The following CNTNAP2 variants were observed in gnomAD, a reference collection of about 807,000 sequenced individuals.
CNTNAP2 encodes the protein contactin-associated protein-like 2.
Under a neutral mutation model 155.2 loss-of-function variants are expected in CNTNAP2, and 98 were observed. That is an observed-to-expected ratio of 0.63 (90% CI 0.54 to 0.75). The LOEUF is 0.75. Among genes scored for constraint, CNTNAP2 ranks in the 30% least tolerant of loss-of-function variants. The pLI, the probability that CNTNAP2 is intolerant of heterozygous loss-of-function variation, is 0.00. For synonymous variants in CNTNAP2, 651 were observed against 631.2 expected, an observed-to-expected ratio of 1.03 and a Z score of -0.47; for missense variants, 1,727 against 1,688.1, an observed-to-expected ratio of 1.02 and a Z score of -0.40.
intron 13 of CNTNAP2, among the ~76,000 whole-genome samples, chr7:147,755,997 AT>A (rs1179244837): frequency 1.3e-5 from 2 of 152,098 alleles, no homozygotes; most frequent in African/African-American, 4.8e-5. Flanking sequence ...CACAGTATTT[AT>A]TTTTCTTTTT....
chr7:147,759,450 C>T (rs1467926930), intron 13 of CNTNAP2, among the ~76,000 whole-genome samples: 1 of 152,200 alleles, frequency 6.6e-6, no homozygotes, highest in Non-Finnish European at 1.5e-5. Context: ...ATTGCATTGA[C>T]TTTCTACCAA....
intron 11 of CNTNAP2, among the ~76,000 whole-genome samples, chr7:147,517,513 T>C (rs551341257): frequency 9.8e-4 from 149 of 152,326 alleles, no homozygotes; most frequent in Non-Finnish European, 1.9e-3. Flanking sequence ...ATCCATTCAC[T>C]GATTTCAGAA....
chr7:147,018,085 A>G (rs1485021667), intron 3 of CNTNAP2, among the ~76,000 whole-genome samples: 2 of 152,100 alleles, frequency 1.3e-5, no homozygotes, highest in Non-Finnish European at 2.9e-5. Context: ...CTAGAAAATC[A>G]GTGTTTTGTA....
intron 10 of CNTNAP2, among the ~76,000 whole-genome samples, chr7:147,450,164 G>T (rs1247691017): frequency 2.0e-5 from 3 of 152,192 alleles, no homozygotes; most frequent in Non-Finnish European, 4.4e-5. Context: ...TAAAAGCAAA[G>T]AACGTTTTTT....
chr7:148,368,157 C>T (rs1356972089), intron 21 of CNTNAP2, among the ~76,000 whole-genome samples: 3 of 152,196 alleles, frequency 2.0e-5, no homozygotes, highest in African/African-American at 7.2e-5. Context: ...TAGCTTTGTT[C>T]TTCCTTGTCT....
chr7:147,225,777 AG>A (rs1803510555), intron 8 of CNTNAP2, among the ~76,000 whole-genome samples: 1 of 139,084 alleles, frequency 7.2e-6, no homozygotes, highest in East Asian at 2.0e-4. Flanking sequence ...GAAGGAAGGA[AG>A]GAAGGAAGGA....
At position 147,557,007 on chromosome 7, in the gene CNTNAP2, G is replaced by C. The variant is rs1799963642; in HGVS notation, c.1778-5131G>C. Among the ~76,000 whole-genome samples, 3 of 151,782 alleles carry C rather than the reference G, an allele frequency of 2.0e-5. No homozygotes were observed. The South Asian group carries it at 6.3e-4, about 32-fold the overall frequency. ...TCACACCTGTAATCCCAGCACTTTG[G>C]GAGGCTGAGGCAGGCGGGGGTCGGG... is the stretch of plus-strand genomic sequence containing the variant. On this transcript the variant is annotated intron_variant, in intron 11 of 23. Transcript: ENST00000361727.
chr7:146,299,615 T>A (rs1202506520), intron 1 of CNTNAP2, among the ~76,000 whole-genome samples: 4 of 152,116 alleles, frequency 2.6e-5, no homozygotes, highest in Non-Finnish European at 5.9e-5. Flanking sequence ...TTGTCCAGGA[T>A]GGTCACCAAC....
rs1159344866 is a variant in CNTNAP2, at chr7:148,416,300, AAAGAACCAGGG to A, written c.*688_*698del. 5 of 152,430 alleles carry A rather than the reference AAAGAACCAGGG, an allele frequency of 3.3e-5. No individual in the cohort carries two copies. Among genetic ancestry groups the A allele is most frequent in the African/African-American group, 1.2e-4 (5 of 41,468 alleles). The allele number at this position is 152,430 out of a possible 1,614,324, so 9.4% of individuals were successfully genotyped here. ...ATCAGCACAACTGGAGAGAGGCATT[AAAGAACCAGGG>A]AAGGTAGTTTGATTTTTCATTGAAT... On this transcript the variant is annotated 3_prime_UTR_variant, in exon 24 of 24. Transcript: ENST00000361727.
intron 1 of CNTNAP2, among the ~76,000 whole-genome samples, chr7:146,156,194 C>T (rs897866230): frequency 1.3e-5 from 2 of 152,094 alleles, no homozygotes; most frequent in African/African-American, 4.8e-5. Context: ...TTCAGTCTCT[C>T]AAACAAATGT....
chr7:147,073,340 G>A (rs1799934865), intron 4 of CNTNAP2, among the ~76,000 whole-genome samples: 1 of 149,482 alleles, frequency 6.7e-6, no homozygotes, highest in Non-Finnish European at 1.5e-5. Context: ...CACAAATACT[G>A]TATGTTCTCG....
At chr7:146,698,837 T>C (rs907314690) in intron 1 of CNTNAP2, among the ~76,000 whole-genome samples, 2 of 152,280 alleles carry the variant, frequency 1.3e-5, no homozygotes, top group African/African-American at 2.4e-5. Flanking sequence ...CTCTTTACAT[T>C]GTAATTTAGA....
chr7:146,650,529 A>T (rs994520597), intron 1 of CNTNAP2, among the ~76,000 whole-genome samples: 4 of 151,362 alleles, frequency 2.6e-5, no homozygotes, highest in South Asian at 2.1e-4. Flanking sequence ...GACATCACAC[A>T]CTGGGGCCTG....
At chr7:147,489,922 C>T (rs1025243642) in intron 11 of CNTNAP2, among the ~76,000 whole-genome samples, 8 of 152,082 alleles carry the variant, frequency 5.3e-5, no homozygotes, top group African/African-American at 1.9e-4. Flanking sequence ...GCCAAACATT[C>T]TTATATATAC....
At chr7:146,523,554 G>T (rs1427846057) in intron 1 of CNTNAP2, among the ~76,000 whole-genome samples, 1 of 151,934 alleles carries the variant, frequency 6.6e-6, no homozygotes, top group Middle Eastern at 3.4e-3. Context: ...TTACAATAAG[G>T]TTTATTATTT....
intron 8 of CNTNAP2, among the ~76,000 whole-genome samples, chr7:147,220,784 G>A (rs536599457): frequency 5.9e-5 from 9 of 151,856 alleles, no homozygotes; most frequent in East Asian, 1.9e-4. Context: ...GCATGATCTC[G>A]GCTCTCTCAA....
At chr7:147,357,318 A>G (rs984432240) in intron 9 of CNTNAP2, among the ~76,000 whole-genome samples, 6 of 152,156 alleles carry the variant, frequency 3.9e-5, no homozygotes, top group African/African-American at 1.4e-4. Flanking sequence ...GATAAAGCTG[A>G]GTCCAGCTGT....
intron 4 of CNTNAP2, among the ~76,000 whole-genome samples, chr7:147,071,797 AAAT>A (rs1275325356): frequency 6.6e-6 from 1 of 152,216 alleles, no homozygotes; most frequent in Non-Finnish European, 1.5e-5. Context: ...AGAGGATCAC[AAAT>A]ATCTTGTTTC....
intron 1 of CNTNAP2, among the ~76,000 whole-genome samples, chr7:146,541,903 A>T (rs149847187): frequency 6.6e-6 from 1 of 152,130 alleles, no homozygotes; most frequent in Non-Finnish European, 1.5e-5. Flanking sequence ...AATTTCCCAT[A>T]TTGTTAATTT....
Sources: allele counts gnomAD v4.1 joint callset (sites outside exome capture counted in the v4.1 genomes callset), GRCh38; gene constraint gnomAD v4.1.1; transcripts MANE v1.5; gene names NCBI Gene and HGNC (gene_info 2026-07-23, HGNC 2026-07-21).